Variants in ERMP1 observed in about 807,000 individuals in gnomAD.
ERMP1 encodes the protein endoplasmic reticulum metallopeptidase 1.
Under a neutral mutation model 92.0 loss-of-function variants are expected in ERMP1, and 86 were observed. That is an observed-to-expected ratio of 0.93 (90% CI 0.79 to 1.12). The LOEUF is 1.12. Ranked by LOEUF, ERMP1 falls within the 50% of genes most tolerant of loss-of-function variation. The pLI is 0.00. For missense variants in ERMP1, 1,342 were observed against 1,116.3 expected (o/e 1.20, Z -2.88); for synonymous variants, 530 against 412.8 (o/e 1.28, Z -3.44).
chr9:5,832,659 G>T (rs772995827), intron 1 of ERMP1, 31 bp downstream of exon 1: 3 of 1,367,136 alleles, frequency 2.2e-6, no homozygotes, highest in Non-Finnish European at 2.8e-6. Flanking sequence ...AAACGGACGC[G>T]CGGGCCGTGC....
chr9:5,815,779 C>T (rs770667758), intron 4 of ERMP1, among the ~76,000 whole-genome samples: 9 of 151,942 alleles, frequency 5.9e-5, no homozygotes, highest in South Asian at 2.1e-4. Context: ...CTTAATCAAA[C>T]GATGAAAATG....
chr9:5,839,211 T>G (rs1830128141), intron 6 of ERMP1, among the ~76,000 whole-genome samples: 1 of 152,080 alleles, frequency 6.6e-6, no homozygotes, highest in African/African-American at 2.4e-5. Flanking sequence ...CTGAACCAAT[T>G]AAAAAAAACT....
At chr9:5,845,837 G>T (rs1290955758) in intron 6 of ERMP1, among the ~76,000 whole-genome samples, 1 of 152,168 alleles carries the variant, frequency 6.6e-6, no homozygotes, top group Non-Finnish European at 1.5e-5. Flanking sequence ...GTATTTTTGA[G>T]GCCACAGAAC....
chr9:5,820,533 T>G (rs761269925), intron 4 of ERMP1, among the ~76,000 whole-genome samples: 2 of 152,208 alleles, frequency 1.3e-5, no homozygotes, highest in Non-Finnish European at 2.9e-5. Flanking sequence ...CCTCTCTCAC[T>G]CATGAAATGA....
In ERMP1 at chr9:5,811,245, T is replaced by C; in HGVS notation, c.1193A>G (p.Asn398Ser). 1.9e-6 allele frequency: 3 copies of C among 1,613,912 alleles called. No individual in the cohort carries two copies. The highest frequency in any genetic ancestry group is 1.6e-4 in the Middle Eastern group (1 of 6,062). The change falls in exon 7 of 15, where the codon AAC becomes AGC. Residue 398 changes from asparagine (N) to serine (S), a missense_variant. Asn to Ser is a conservative substitution (Grantham distance 46). Transcript: ENST00000339450. ...LAAASKYRHG[N>S]MVFFDVLGLF... is the part of the protein sequence containing the mutation. ...GCCCAGCACATCAAAGAAGACCATGTTTCCATGTCGATACTTAGAAGCAGC... is the reference window on the plus strand; with the variant it reads ...GCCCAGCACATCAAAGAAGACCATGCTTCCATGTCGATACTTAGAAGCAGC...
chr9:5,816,556 A>C (rs1829313202), intron 4 of ERMP1, among the ~76,000 whole-genome samples: 1 of 152,188 alleles, frequency 6.6e-6, no homozygotes. Context: ...AGTTGGTATT[A>C]CCTACCCAAA....
chr9:5,803,279 T>G (rs887730829), intron 10 of ERMP1, among the ~76,000 whole-genome samples: 3 of 152,168 alleles, frequency 2.0e-5, no homozygotes, highest in Admixed American at 6.5e-5. Flanking sequence ...GGCATCAAAG[T>G]GCGGCAGGGC....
chr9:5,811,049 A>G, intron 7 of ERMP1, 62 bp downstream of exon 7: 4 of 1,194,008 alleles, frequency 3.4e-6, no homozygotes, highest in Non-Finnish European at 4.9e-6. Flanking sequence ...AAACTGACTG[A>G]AAAACTTCAA....
At chr9:5,855,235 G>A (rs1337391728) in intron 6 of ERMP1, among the ~76,000 whole-genome samples, 1 of 152,206 alleles carries the variant, frequency 6.6e-6, no homozygotes, top group East Asian at 1.9e-4. Context: ...GAAAAGGAGA[G>A]ACTCTATGGA....
At chr9:5,813,102 T>G in intron 4 of ERMP1, 67 bp from the exon 5 acceptor site, 1 of 1,552,228 alleles carries the variant, frequency 6.4e-7, no homozygotes, top group Non-Finnish European at 8.9e-7. Context: ...CTAATGTTTT[T>G]CAACACATAG....
At chr9:5,840,537 C>T (rs1830149897) in intron 6 of ERMP1, among the ~76,000 whole-genome samples, 1 of 152,210 alleles carries the variant, frequency 6.6e-6, no homozygotes, top group African/African-American at 2.4e-5. Flanking sequence ...CCTCCCCGGC[C>T]CCCAGGGCCA....
At chr9:5,821,226 A>G (rs773516038) in intron 4 of ERMP1, among the ~76,000 whole-genome samples, 1 of 152,228 alleles carries the variant, frequency 6.6e-6, no homozygotes, top group Non-Finnish European at 1.5e-5. Flanking sequence ...AAAATTATAG[A>G]AAGTAGTGCA....
At position 5,823,978 on chromosome 9, in the gene ERMP1, C is replaced by A; in HGVS notation, c.792G>T (p.Gln264His). 1 of 1,613,872 alleles carries A rather than the reference C, an allele frequency of 6.2e-7. No homozygotes were observed. The highest frequency in any genetic ancestry group is 8.5e-7 in the Non-Finnish European group (1 of 1,179,830). Residue 264 changes from glutamine (Q) to histidine (H), a missense_variant, in exon 4 of 15, where the codon CAG becomes CAT. Coordinates refer to ENST00000339450, the MANE Select transcript of ERMP1 (RefSeq NM_024896.3). ...CACGAATCAAGCTAGCCCAGGGGTG[C>A]TGAGTAATGAAACCATGACTGGCCT... The part of the protein sequence containing the change: ...VLQASHGFIT[Q>H]HPWASLIRAF...
intron 1 of ERMP1, 132 bp downstream of exon 1, chr9:5,832,558 C>T: frequency 1.5e-6 from 1 of 666,614 alleles, no homozygotes; most frequent in Non-Finnish European, 2.3e-6. Flanking sequence ...CCCCACCCCA[C>T]GTGCAGCCTG....
intron 6 of ERMP1, among the ~76,000 whole-genome samples, chr9:5,842,340 G>C (rs945751325): frequency 6.7e-6 from 1 of 148,434 alleles, no homozygotes; most frequent in Non-Finnish European, 1.5e-5. Flanking sequence ...GCTAGACAGA[G>C]AAGTTCTCCA....
rs1410922698 is a variant in ERMP1, at chr9:5,812,230, T to C, written c.1022-13A>G. ...GCTAAGTCTATTCCTAAAACATATATATAGAAAAAAAAAAGTCATTTTGCT... is the reference window on the plus strand; with the variant it reads ...GCTAAGTCTATTCCTAAAACATATACATAGAAAAAAAAAAGTCATTTTGCT... On this transcript the variant is annotated splice_polypyrimidine_tract_variant and intron_variant, in intron 5 of 14. Coordinates refer to ENST00000339450, the MANE Select transcript of ERMP1 (RefSeq NM_024896.3). 6 of 1,461,948 alleles carry C rather than the reference T, an allele frequency of 4.1e-6. No individual in the cohort carries two copies. Among genetic ancestry groups the C allele is most frequent in the Non-Finnish European group, 5.6e-6 (6 of 1,073,818 alleles). 90.6% of individuals were successfully genotyped at this position (1,461,948 alleles called of 1,614,324 possible). A position where few individuals can be genotyped will look rare whatever the true frequency, so the allele number is the denominator to read the frequency against.
chr9:5,833,165 C>T, upstream of ERMP1: 2 of 778,682 alleles, frequency 2.6e-6, no homozygotes, highest in Non-Finnish European at 3.7e-6. Context: ...CTGATTGGCC[C>T]GTCCCGCCGC....
chr9:5,801,073 G>C, intron 11 of ERMP1, 103 bp downstream of exon 11: 1 of 1,248,654 alleles, frequency 8.0e-7, no homozygotes, highest in African/African-American at 1.5e-5. Flanking sequence ...GACTAAATAG[G>C]TCAACAGCAG....
At chr9:5,819,692 C>A (rs574202575) in intron 4 of ERMP1, among the ~76,000 whole-genome samples, 33 of 152,228 alleles carry the variant, frequency 2.2e-4, no homozygotes, top group African/African-American at 7.0e-4. Context: ...TACTAAATAC[C>A]ATCTTCTTTG....
Sources: allele counts gnomAD v4.1 joint callset (sites outside exome capture counted in the v4.1 genomes callset), GRCh38; gene constraint gnomAD v4.1.1; transcripts MANE v1.5; gene names NCBI Gene and HGNC (gene_info 2026-07-23, HGNC 2026-07-21).